The following SLC47A2 variants were observed in gnomAD, a reference collection of about 807,000 sequenced individuals.
SLC47A2 encodes multidrug and toxin extrusion protein 2.
A neutral mutation model predicts 67.7 loss-of-function variants in SLC47A2; 52 were observed. That is an observed-to-expected ratio of 0.77 (90% CI 0.61 to 0.97). The LOEUF is 0.97. SLC47A2 is among the 50% of genes least tolerant of loss of function. SLC47A2 has a pLI of 0.00. For synonymous variants in SLC47A2, 278 were observed against 292.9 expected (o/e 0.95, Z 0.52); for missense variants, 676 against 712.3 (o/e 0.95, Z 0.58).
At position 19,697,018 on chromosome 17, in the gene SLC47A2, G is replaced by A. The variant is rs1207477909; in HGVS notation, c.1164+5587C>T. On this transcript the variant is annotated intron_variant, in intron 13 of 16. Coordinates refer to ENST00000433844, the MANE Select transcript of SLC47A2 (RefSeq NM_001099646.3). ...TAAGATAATGACATTAAGGCCAGGCGTGGTGGCTCACGCCTGTAATCCCAG... is the reference window on the plus strand; with the variant it reads ...TAAGATAATGACATTAAGGCCAGGCATGGTGGCTCACGCCTGTAATCCCAG... 3.3e-5 allele frequency among the ~76,000 whole-genome samples: 5 copies of A among 152,328 alleles called. No homozygotes were observed. In the East Asian group the frequency reaches 5.8e-4, roughly 18 times the overall value.
intron 5 of SLC47A2, 102 bp from the exon 6 acceptor site, chr17:19,708,862 G>T (rs560561719): frequency 3.5e-4 from 494 of 1,401,796 alleles, no homozygotes; most frequent in Non-Finnish European, 4.7e-4. Flanking sequence ...CCCAGATTGG[G>T]GAAATTACTT....
chr17:19,713,968 G>C lies in SLC47A2; in HGVS notation c.300C>G (p.Phe100Leu). The stretch of plus-strand genomic sequence containing the variant: ...CCACGTGCTTCTTGTTGGGGCTGCC[G>C]AAGCTCTGCAAAACAGCCCGCCCCG... Reference protein sequence around the residue: ...SACDTLMSQSFGSPNKKHVGV... With the variant: ...SACDTLMSQSLGSPNKKHVGV... Residue 100 changes from phenylalanine (F) to leucine (L), a missense_variant, in exon 4 of 17, where the codon TTC becomes TTG. Phe to Leu is a conservative substitution (Grantham distance 22). Transcript: ENST00000433844. 1 of 1,611,994 alleles carries C rather than the reference G, an allele frequency of 6.2e-7. No homozygotes were observed. The highest frequency in any genetic ancestry group is 8.5e-7 in the Non-Finnish European group (1 of 1,178,696).
chr17:19,699,271 A>G (rs995119096), intron 13 of SLC47A2, among the ~76,000 whole-genome samples: 11 of 152,146 alleles, frequency 7.2e-5, no homozygotes, highest in Non-Finnish European at 1.5e-4. Flanking sequence ...CCTGTTTTAC[A>G]AAAGTTAAAA....
intron 13 of SLC47A2, among the ~76,000 whole-genome samples, chr17:19,700,761 C>T (rs2085763987): frequency 9.1e-6 from 1 of 109,700 alleles, no homozygotes; most frequent in African/African-American, 3.3e-5. Flanking sequence ...TGAGACCTGT[C>T]TCAAAAAAAA....
intron 16 of SLC47A2, among the ~76,000 whole-genome samples, chr17:19,679,567 T>C (rs569750018): frequency 6.6e-6 from 1 of 152,320 alleles, no homozygotes; most frequent in East Asian, 1.9e-4. Context: ...GCCTTCCGTC[T>C]TGAGCAGAGT....
chr17:19,705,337 G>T, intron 10 of SLC47A2, 99 bp downstream of exon 10: 1 of 1,329,438 alleles, frequency 7.5e-7, no homozygotes, highest in Non-Finnish European at 1.0e-6. Flanking sequence ...GGTCCTTCGG[G>T]AGACAGAGAT....
At chr17:19,701,718 T>G (rs1403016062) in intron 13 of SLC47A2, among the ~76,000 whole-genome samples, 1 of 152,200 alleles carries the variant, frequency 6.6e-6, no homozygotes, top group Non-Finnish European at 1.5e-5. Context: ...CAGTAGTTCA[T>G]GCCTATTGTC....
chr17:19,717,221 C>T (rs1251657623), upstream of SLC47A2: 1 of 152,570 alleles, frequency 6.6e-6, no homozygotes, highest in Non-Finnish European at 1.5e-5. Flanking sequence ...CCCGTCACCC[C>T]TTTCAGCAGC....
chr17:19,713,249 G>A (rs141111817), intron 4 of SLC47A2, among the ~76,000 whole-genome samples: 3 of 152,210 alleles, frequency 2.0e-5, no homozygotes, highest in African/African-American at 7.2e-5. Context: ...TTAGCCTGGT[G>A]TGGTGGCACG....
chr17:19,695,530 G>GA (rs1462454409), intron 13 of SLC47A2, among the ~76,000 whole-genome samples: 2 of 98,150 alleles, frequency 2.0e-5, no homozygotes, highest in East Asian at 6.2e-4. Context: ...AAAAAAAAAA[G>GA]AAAAAATGTA....
intron 10 of SLC47A2, 101 bp downstream of exon 10, chr17:19,705,335 G>T (rs58045813): frequency 3.0e-6 from 4 of 1,314,466 alleles, no homozygotes; most frequent in African/African-American, 1.5e-5. Context: ...AGGGTCCTTC[G>T]GGAGACAGAG....
chr17:19,713,662 G>A (rs935808181), intron 4 of SLC47A2, among the ~76,000 whole-genome samples, 163 bp downstream of exon 4: 3 of 152,244 alleles, frequency 2.0e-5, no homozygotes, highest in Non-Finnish European at 2.9e-5. Flanking sequence ...GCCATGGGGA[G>A]AATCCCCAAA....
In SLC47A2 at chr17:19,678,523, C is replaced by CT. The variant is rs2085237482; in HGVS notation, c.*162_*163insA. On this transcript the variant is annotated 3_prime_UTR_variant, in exon 17 of 17. Coordinates refer to ENST00000433844, the MANE Select transcript of SLC47A2 (RefSeq NM_001099646.3). ...CAGAATTGTCAAGTCTGTTCAGACC[C>CT]CTCTGAGTGTCACCACAAGGAATCA... is the stretch of plus-strand genomic sequence containing the variant. The CT allele has an allele frequency of 1.5e-6, 1 of 678,430 alleles. No homozygotes were observed. The highest frequency in any genetic ancestry group is 2.8e-5 in the Admixed American group (1 of 36,302). The allele number at this position is 678,430 out of a possible 1,614,324, so 42.0% of individuals were successfully genotyped here.
chr17:19,705,604 T>G (rs2085912704), intron 9 of SLC47A2, 101 bp from the exon 10 acceptor site: 1 of 1,124,702 alleles, frequency 8.9e-7, no homozygotes, highest in Non-Finnish European at 1.2e-6. Flanking sequence ...GGGCTTTTTT[T>G]TTTTTTCTTC....
Position 19,712,719 on chromosome 17 carries a change from A to C in SLC47A2, c.470T>G (p.Phe157Cys). The C allele has an allele frequency of 1.2e-6, 2 of 1,613,448 alleles. No homozygotes were observed. Among genetic ancestry groups the C allele is most frequent in the Non-Finnish European group, 1.7e-6 (2 of 1,179,820 alleles). The change falls in exon 5 of 17, where the codon TTC (phenylalanine) becomes TGC (cysteine). Residue 157 changes from phenylalanine (F) to cysteine (C), a missense_variant. Coordinates refer to ENST00000433844, the MANE Select transcript of SLC47A2 (RefSeq NM_001099646.3). ...SRLTQDYVMI[F>C]IPGLPVIFLY... ...GGCACCTACCGGAAGTCCTGGAATG[A>C]AAATCATTACATAGTCCTGGGTCAA...
At chr17:19,701,486 C>T (rs186385827) in intron 13 of SLC47A2, among the ~76,000 whole-genome samples, 18 of 152,144 alleles carry the variant, frequency 1.2e-4, no homozygotes, top group African/African-American at 4.3e-4. Flanking sequence ...AGTGTTTTTT[C>T]CCCAGGTAGG....
intron 11 of SLC47A2, among the ~76,000 whole-genome samples, chr17:19,703,843 G>A (rs918562009): frequency 6.6e-6 from 1 of 152,224 alleles, no homozygotes; most frequent in Non-Finnish European, 1.5e-5. Flanking sequence ...AGGAGTGAGT[G>A]GGGATGGGGA....
In SLC47A2 at chr17:19,696,181, G is replaced by T. The variant is rs530299367; in HGVS notation, c.1164+6424C>A. ...AAAAGAGGGAATTTGGGCCTGGTGCGGTGGCTCACACCTGTAATCCCAGCA... is the reference window on the plus strand; with the variant it reads ...AAAAGAGGGAATTTGGGCCTGGTGCTGTGGCTCACACCTGTAATCCCAGCA... On this transcript the variant is annotated intron_variant, in intron 13 of 16. Coordinates refer to ENST00000433844, the MANE Select transcript of SLC47A2 (RefSeq NM_001099646.3). Among the ~76,000 whole-genome samples, 7 of 151,188 alleles carry T rather than the reference G, an allele frequency of 4.6e-5. No individual in the cohort carries two copies. In the East Asian group the frequency reaches 1.4e-3, roughly 30 times the overall value.
intron 13 of SLC47A2, among the ~76,000 whole-genome samples, chr17:19,690,383 C>T (rs76785216): frequency 4.6e-5 from 7 of 152,022 alleles, no homozygotes; most frequent in African/African-American, 7.3e-5. Context: ...TTGAATAATA[C>T]CCCCAAAGCA....
Sources: allele counts gnomAD v4.1 joint callset (sites outside exome capture counted in the v4.1 genomes callset), GRCh38; gene constraint gnomAD v4.1.1; transcripts MANE v1.5; gene names NCBI Gene and HGNC (gene_info 2026-07-23, HGNC 2026-07-21).